ADGRB3: variants seen among roughly 807,000 people sequenced by gnomAD.
The protein encoded by ADGRB3 is brain-specific angiogenesis inhibitor 3.
ADGRB3 carries 37 observed loss-of-function variants against 193.4 expected under a neutral mutation model. The ratio of observed to expected loss-of-function variants is 0.19; its 90% CI spans 0.15 to 0.25. The LOEUF (loss-of-function observed/expected upper bound fraction) is 0.25, where lower values mean the gene tolerates loss of function less well. Among genes scored for constraint, ADGRB3 ranks in the 10% least tolerant of loss-of-function variants. The pLI is 1.00. For synonymous variants in ADGRB3, 690 were observed against 644.2 expected, an observed-to-expected ratio of 1.07 and a Z score of -1.08; for missense variants, 1,637 against 1,852.9, an observed-to-expected ratio of 0.88 and a Z score of 2.14.
chr6:68,752,671 G>A (rs748652882), intron 3 of ADGRB3, among the ~76,000 whole-genome samples: 2 of 152,142 alleles, frequency 1.3e-5, no homozygotes, highest in Non-Finnish European at 2.9e-5. Context: ...GAGAAGGTGG[G>A]TCCAGTTGAT....
Position 69,018,549 on chromosome 6 carries a change from G to A in ADGRB3, c.2107+50G>A, listed in dbSNP as rs781227386. On this transcript the variant is annotated intron_variant, in intron 13 of 31. Transcript: ENST00000370598. ...AATCTTTCTGAAATAAAAAAAAATT[G>A]CAAGTATCTACACCATACGTTTCCA... The A allele has an allele frequency of 6.4e-6, 8 of 1,259,010 alleles. No homozygotes were observed. The Admixed American group carries it at 1.4e-4, about 23-fold the overall frequency. 78.0% of individuals were successfully genotyped at this position (1,259,010 alleles called of 1,614,324 possible). A position where few individuals can be genotyped will look rare whatever the true frequency, so the allele number is the denominator to read the frequency against.
chr6:68,974,187 G>A (rs899030869), intron 8 of ADGRB3, among the ~76,000 whole-genome samples: 4 of 151,816 alleles, frequency 2.6e-5, no homozygotes, highest in Admixed American at 6.6e-5. Flanking sequence ...TTATTGATAT[G>A]CCTGAATATG....
intron 8 of ADGRB3, among the ~76,000 whole-genome samples, chr6:68,970,429 T>C (rs1233195486): frequency 6.6e-6 from 1 of 151,908 alleles, no homozygotes; most frequent in Non-Finnish European, 1.5e-5. Flanking sequence ...TCTTCCTCCT[T>C]CTGCTTCAGC....
At chr6:68,823,461 T>A (rs183887555) in intron 3 of ADGRB3, among the ~76,000 whole-genome samples, 130 of 152,138 alleles carry the variant, frequency 8.5e-4, no homozygotes, top group African/African-American at 3.0e-3. Flanking sequence ...CTATTATTTA[T>A]TATAACAATG....
At chr6:68,740,897 T>A (rs1307174433) in intron 3 of ADGRB3, among the ~76,000 whole-genome samples, 1 of 152,300 alleles carries the variant, frequency 6.6e-6, no homozygotes, top group African/African-American at 2.4e-5. Context: ...TAAGTGTTGA[T>A]AGGCCATGTC....
chr6:68,708,737 A>C (rs1483377741), intron 3 of ADGRB3, among the ~76,000 whole-genome samples: 1 of 152,224 alleles, frequency 6.6e-6, no homozygotes, highest in African/African-American at 2.4e-5. Flanking sequence ...CTGTTGATCC[A>C]TGTCAGATTT....
chr6:68,649,034 A>G (rs1046886225), intron 3 of ADGRB3, among the ~76,000 whole-genome samples: 2 of 152,144 alleles, frequency 1.3e-5, no homozygotes, highest in African/African-American at 4.8e-5. Context: ...TCAGTTACAT[A>G]TTATCTGCCC....
rs773000989 is a variant in ADGRB3 at position 68,936,537 on chromosome 6, A to G, written c.887A>G (p.Glu296Gly). ...MAQTGESGVE[E>G]WSQWSTCSVT... ...CACGCAGGTGAATCTGGTGTGGAAG[A>G]GTGGTCCCAGTGGAGCACATGTTCG... Residue 296 changes from glutamate to glycine, a missense_variant, in exon 5 of 32, where the codon GAG (glutamate) becomes GGG (glycine). Transcript: ENST00000370598. The G allele has an allele frequency of 6.2e-7, 1 of 1,614,000 alleles. No homozygotes were observed. Among genetic ancestry groups the G allele is most frequent in the South Asian group, 1.1e-5 (1 of 91,058 alleles).
intron 17 of ADGRB3, among the ~76,000 whole-genome samples, chr6:69,106,029 G>T (rs191289950): frequency 6.6e-6 from 1 of 151,698 alleles, no homozygotes; most frequent in South Asian, 2.1e-4. Context: ...TGAGCTACTC[G>T]GGAGGCTGAG....
chr6:68,677,933 C>A (rs2127296880), intron 3 of ADGRB3, among the ~76,000 whole-genome samples: 1 of 152,214 alleles, frequency 6.6e-6, no homozygotes, highest in South Asian at 2.1e-4. Flanking sequence ...AAATTTTCTT[C>A]ATTTACTTTA....
At chr6:69,344,277 C>G (rs1769038496) in intron 26 of ADGRB3, among the ~76,000 whole-genome samples, 1 of 152,306 alleles carries the variant, frequency 6.6e-6, no homozygotes, top group East Asian at 1.9e-4. Context: ...TTCCCAAGCA[C>G]TGGCAGGAGG....
chr6:69,128,570 A>G (rs1445677074), intron 17 of ADGRB3, among the ~76,000 whole-genome samples: 3 of 152,124 alleles, frequency 2.0e-5, no homozygotes, highest in Non-Finnish European at 2.9e-5. Flanking sequence ...CCCCACTCCA[A>G]AAGAAAAGAA....
chr6:68,712,624 A>G (rs924622274), intron 3 of ADGRB3, among the ~76,000 whole-genome samples: 1 of 152,012 alleles, frequency 6.6e-6, no homozygotes, highest in East Asian at 1.9e-4. Context: ...TGGGAGACAT[A>G]GGAGAGAGAC....
intron 13 of ADGRB3, among the ~76,000 whole-genome samples, chr6:69,045,999 G>T (rs1771225845): frequency 6.6e-6 from 1 of 152,076 alleles, no homozygotes; most frequent in Admixed American, 6.6e-5. Flanking sequence ...TAAGACCCAT[G>T]CATGTACAAC....
chr6:69,121,703 G>C (rs1582476932), intron 17 of ADGRB3, among the ~76,000 whole-genome samples: 1 of 151,642 alleles, frequency 6.6e-6, no homozygotes, highest in East Asian at 2.0e-4. Flanking sequence ...CAGATGGGGT[G>C]GCGGCCGGGC....
intron 8 of ADGRB3, among the ~76,000 whole-genome samples, chr6:68,964,912 C>T (rs1262928310): frequency 2.0e-5 from 3 of 152,102 alleles, no homozygotes; most frequent in African/African-American, 7.2e-5. Flanking sequence ...TAAAAAGACT[C>T]CTCTGCTTAG....
At position 68,688,233 on chromosome 6, in the gene ADGRB3, A is replaced by G. The variant is rs1765016061; in HGVS notation, c.757+48801A>G. On this transcript the variant is annotated intron_variant, in intron 3 of 31. Coordinates refer to ENST00000370598, the MANE Select transcript of ADGRB3 (RefSeq NM_001704.3). Reference sequence around the variant, plus strand: ...GAGGTCAAGTGTCTTGCCCACTGCCACAAAAGTGCTGAAGCTTAATTAGCA... The same window carrying G: ...GAGGTCAAGTGTCTTGCCCACTGCCGCAAAAGTGCTGAAGCTTAATTAGCA... Among the ~76,000 whole-genome samples the G allele has an allele frequency of 1.3e-5, 2 of 152,200 alleles. 1 individual carries two copies. The highest frequency in any genetic ancestry group is 4.1e-4 in the South Asian group (2 of 4,836).
intron 20 of ADGRB3, among the ~76,000 whole-genome samples, chr6:69,293,717 G>A (rs1321980): frequency 0.12 from 18,915 of 152,058 alleles, 1,339 homozygotes; most frequent in Admixed American, 0.2. Context: ...TGGCTCTGGG[G>A]TTCTGTGCTG....
intron 3 of ADGRB3, among the ~76,000 whole-genome samples, chr6:68,679,958 G>A (rs539288478): frequency 1.3e-5 from 2 of 152,266 alleles, no homozygotes; most frequent in East Asian, 3.9e-4. Flanking sequence ...GGTATTAGGA[G>A]GTAGTGCCTT....
Sources: gnomAD v4.1 joint callset for allele counts (sites outside exome capture counted in the v4.1 genomes callset) on GRCh38, gnomAD v4.1.1 for gene constraint, MANE v1.5 for transcripts, NCBI Gene and HGNC (gene_info 2026-07-23, HGNC 2026-07-21) for gene names.